The following ERC2 variants were observed in gnomAD, a reference collection of about 807,000 sequenced individuals.
The protein encoded by ERC2 is ELKS/RAB6-interacting/CAST family member 2.
A neutral mutation model predicts 114.8 loss-of-function variants in ERC2; 42 were observed. The observed-to-expected ratio is 0.37, with a 90% CI of 0.29 to 0.47. The LOEUF (loss-of-function observed/expected upper bound fraction) is 0.47. Among genes scored for constraint, ERC2 ranks in the 20% least tolerant of loss-of-function variants. The probability of loss-of-function intolerance (pLI) is 0.99; values close to 1 mark genes in which losing one functional copy is unlikely to be tolerated. For synonymous variants in ERC2, 454 were observed against 425.5 expected (o/e 1.07, Z -0.82); for missense variants, 939 against 1,150.7 (o/e 0.82, Z 2.66).
chr3:55,712,832 A>G (rs1400973586), intron 15 of ERC2, among the ~76,000 whole-genome samples: 1 of 152,102 alleles, frequency 6.6e-6, no homozygotes, highest in East Asian at 1.9e-4. Context: ...TGTTCTCTCA[A>G]CTAGTCACTC....
intron 2 of ERC2, among the ~76,000 whole-genome samples, chr3:56,360,409 G>A (rs572586024): frequency 5.5e-4 from 84 of 152,154 alleles, no homozygotes; most frequent in African/African-American, 2.0e-3. Flanking sequence ...TAGAAACCGA[G>A]GTTGGCTCTT....
At chr3:55,875,631 C>T (rs1303518411) in intron 14 of ERC2, among the ~76,000 whole-genome samples, 1 of 151,958 alleles carries the variant, frequency 6.6e-6, no homozygotes, top group Non-Finnish European at 1.5e-5. Context: ...CCTTAACACA[C>T]CTCATTCCCC....
chr3:56,231,867 T>C (rs895293496), intron 3 of ERC2, among the ~76,000 whole-genome samples: 2 of 134,628 alleles, frequency 1.5e-5, no homozygotes, highest in African/African-American at 4.9e-5. Flanking sequence ...GAAAGGAAAA[T>C]CATTCTAAAT....
intron 13 of ERC2, among the ~76,000 whole-genome samples, chr3:55,924,937 C>T (rs2065661872): frequency 6.6e-6 from 1 of 152,144 alleles, no homozygotes; most frequent in African/African-American, 2.4e-5. Context: ...CACTACCTTG[C>T]TAAGGACAGT....
intron 6 of ERC2, among the ~76,000 whole-genome samples, chr3:56,085,943 C>T (rs9880092): frequency 0.18 from 27,169 of 152,002 alleles, 2,591 homozygotes; most frequent in African/African-American, 0.23. Context: ...GCCTAATATC[C>T]AAACTGTGAT....
At chr3:55,534,662 C>A in intron 17 of ERC2, among the ~76,000 whole-genome samples, 1 of 152,076 alleles carries the variant, frequency 6.6e-6, no homozygotes, top group African/African-American at 2.4e-5. Context: ...CGTCACTGCA[C>A]TCCAGCCTGG....
chr3:55,601,771 G>A (rs1055183837), intron 17 of ERC2, among the ~76,000 whole-genome samples: 2 of 152,186 alleles, frequency 1.3e-5, no homozygotes, highest in African/African-American at 2.4e-5. Context: ...AGGCTGCAGT[G>A]AGCCATGTTC....
chr3:55,926,163 T>C (rs1202139475), intron 13 of ERC2, among the ~76,000 whole-genome samples: 1 of 152,130 alleles, frequency 6.6e-6, no homozygotes, highest in Non-Finnish European at 1.5e-5. Flanking sequence ...TGTCAAATGA[T>C]TATGGGAAAA....
At chr3:56,014,667 T>G (rs992623844) in intron 8 of ERC2, among the ~76,000 whole-genome samples, 1 of 151,950 alleles carries the variant, frequency 6.6e-6, no homozygotes, top group African/African-American at 2.4e-5. Context: ...TAAGCTAGAA[T>G]AAATCAAATC....
intron 1 of ERC2, among the ~76,000 whole-genome samples, chr3:56,444,048 C>T (rs542157920): frequency 2.8e-5 from 4 of 144,406 alleles, no homozygotes; most frequent in Admixed American, 1.5e-4. Flanking sequence ...CTGCAAGCTC[C>T]GCCTCCCGGG....
chr3:56,454,236 GAAGAGTCCAA>G lies in ERC2; in HGVS notation c.-141+14002_-141+14011del, dbSNP rs546456415. Among the ~76,000 whole-genome samples, 7 of 152,320 alleles carry G rather than the reference GAAGAGTCCAA, an allele frequency of 4.6e-5. No individual in the cohort carries two copies. The East Asian group carries it at 7.7e-4, about 17-fold the overall frequency. On this transcript the variant is annotated intron_variant, in intron 1 of 17. Coordinates refer to ENST00000288221, the MANE Select transcript of ERC2 (RefSeq NM_015576.3). ...TAGAGCAGTTTAAAGCATGGGCTCT[GAAGAGTCCAA>G]ATTCCAGTTTCTCCACTTACTTAGG...
intron 17 of ERC2, among the ~76,000 whole-genome samples, chr3:55,569,175 T>C (rs1281942569): frequency 6.6e-6 from 1 of 152,154 alleles, no homozygotes; most frequent in Non-Finnish European, 1.5e-5. Flanking sequence ...GTCATCACCC[T>C]CAGGGAGAAA....
chr3:55,991,583 C>A (rs2071061501), intron 11 of ERC2, among the ~76,000 whole-genome samples: 1 of 152,170 alleles, frequency 6.6e-6, no homozygotes, highest in Non-Finnish European at 1.5e-5. Context: ...TCATGATGTG[C>A]CAAGAGACAT....
rs2057964785 is a variant in ERC2 at position 55,592,932 on chromosome 3, G to A, written c.*40-81656C>T. On this transcript the variant is annotated intron_variant, in intron 17 of 17. Coordinates refer to ENST00000288221, the MANE Select transcript of ERC2 (RefSeq NM_015576.3). The stretch of plus-strand genomic sequence containing the variant: ...ATAGGTATAACAGTGCTTTACATTT[G>A]CATAGGATGACAGGGTGCTTGAAAT... Among the ~76,000 whole-genome samples, 2 of 152,286 alleles carry A rather than the reference G, an allele frequency of 1.3e-5. 1 individual carries two copies. The highest frequency in any genetic ancestry group is 4.1e-4 in the South Asian group (2 of 4,820).
intron 3 of ERC2, among the ~76,000 whole-genome samples, chr3:56,293,204 T>C (rs1472145886): frequency 6.6e-6 from 1 of 152,206 alleles, no homozygotes; most frequent in Non-Finnish European, 1.5e-5. Flanking sequence ...AGCTGACACA[T>C]ACAGATGCTA....
chr3:55,613,017 C>T (rs772323377), intron 17 of ERC2: 28 of 152,114 alleles, frequency 1.8e-4, no homozygotes, highest in South Asian at 4.1e-4. Context: ...TGTGAAATTC[C>T]GGCAACCCTA....
intron 15 of ERC2, among the ~76,000 whole-genome samples, chr3:55,728,597 G>A (rs1319268674): frequency 6.6e-6 from 1 of 152,156 alleles, no homozygotes; most frequent in Non-Finnish European, 1.5e-5. Context: ...GTAAGGACTG[G>A]GGGGTGATGA....
At chr3:56,202,357 T>C (rs368040647) in intron 3 of ERC2, among the ~76,000 whole-genome samples, 1 of 152,196 alleles carries the variant, frequency 6.6e-6, no homozygotes, top group East Asian at 1.9e-4. Context: ...AATTCCAAAA[T>C]TTAATTATAA....
chr3:56,359,287 G>T (rs961487425), intron 2 of ERC2, among the ~76,000 whole-genome samples: 2 of 152,078 alleles, frequency 1.3e-5, no homozygotes, highest in Non-Finnish European at 2.9e-5. Flanking sequence ...TCCCACAAAT[G>T]AATATGATTA....
Sources: gnomAD v4.1 joint callset for allele counts (sites outside exome capture counted in the v4.1 genomes callset) on GRCh38, gnomAD v4.1.1 for gene constraint, MANE v1.5 for transcripts, NCBI Gene and HGNC (gene_info 2026-07-23, HGNC 2026-07-21) for gene names.